The following XPOT variants were observed in gnomAD, a reference collection of about 807,000 sequenced individuals.
XPOT encodes the protein exportin for tRNA, also known as exportin-T.
XPOT carries 34 observed loss-of-function variants against 128.2 expected under a neutral mutation model. That is an observed-to-expected ratio of 0.27 (90% CI 0.20 to 0.35). XPOT has a LOEUF of 0.35. Among genes scored for constraint, XPOT ranks in the 10% least tolerant of loss-of-function variants. The pLI, the probability that XPOT is intolerant of heterozygous loss-of-function variation, is 1.00. For missense variants in XPOT, 838 were observed against 1,125.3 expected (o/e 0.74, Z 3.65); for synonymous variants, 348 against 394.3 (o/e 0.88, Z 1.39).
intron 1 of XPOT, chr12:64,405,145 C>T (rs2039966788): frequency 6.6e-6 from 1 of 152,246 alleles, no homozygotes; most frequent in Non-Finnish European, 1.5e-5. Context: ...TTCCGAAGCC[C>T]GTTAGTCATC....
intron 2 of XPOT, among the ~76,000 whole-genome samples, chr12:64,412,238 G>A (rs1022614261): frequency 6.6e-6 from 1 of 151,912 alleles, no homozygotes; most frequent in African/African-American, 2.4e-5. Context: ...TGTTGGTCAG[G>A]CTGGTCTCAA....
At chr12:64,439,338 G>A in intron 23 of XPOT, 23 bp downstream of exon 23, 3 of 1,602,758 alleles carry the variant, frequency 1.9e-6, no homozygotes, top group Non-Finnish European at 2.6e-6. Flanking sequence ...TCTTACCATT[G>A]TGTAGGCGAG....
At chr12:64,430,002 G>A in intron 16 of XPOT, 47 bp from the exon 17 acceptor site, 1 of 1,482,356 alleles carries the variant, frequency 6.7e-7, no homozygotes, top group Non-Finnish European at 9.0e-7. Context: ...ATTAAATGAA[G>A]GGAACTCAAA....
chr12:64,425,395 G>C lies in XPOT; in HGVS notation c.1510G>C (p.Glu504Gln). 1 of 1,613,640 alleles carries C rather than the reference G, an allele frequency of 6.2e-7. No homozygotes were observed. ...QHTSVTLEFF[E>Q]TVVRYEKFFT... is the part of the protein sequence containing the mutation. ...TACATCTGTGACATTGGAGTTCTTC[G>C]AAACTGTTGTTAGATATGAAAAGTT... The change falls in exon 14 of 25, where the codon GAA (glutamate) becomes CAA (glutamine). Residue 504 changes from glutamate (E) to glutamine (Q), a missense_variant. This residue lies in a region of XPOT where 761 missense variants were observed against 988.3 expected (regional missense o/e 0.77). Transcript: ENST00000332707.
Position 64,433,573 on chromosome 12 carries a change from A to T in XPOT, c.2422A>T (p.Ser808Cys). ...TGCTTTCCTGCAAACAGTCACAGGCAGTGGGATGAGCGAAGTTATAGCAAA... is the reference window on the plus strand; with the variant it reads ...TGCTTTCCTGCAAACAGTCACAGGCTGTGGGATGAGCGAAGTTATAGCAAA... ...YFAFLQTVTGSGMSEVIANQG... is the reference protein window; with the variant it reads ...YFAFLQTVTGCGMSEVIANQG... The change falls in exon 19 of 25, where the codon AGT becomes TGT. Residue 808 changes from serine to cysteine, a missense_variant. By Grantham distance (112) the Ser-to-Cys change is moderately radical (BLOSUM62 -1). Transcript: ENST00000332707. The T allele has an allele frequency of 6.2e-7, 1 of 1,607,600 alleles. No homozygotes were observed. Among genetic ancestry groups the T allele is most frequent in the South Asian group, 1.1e-5 (1 of 90,126 alleles).
chr12:64,435,991 T>C lies in XPOT; in HGVS notation c.2733+317T>C, dbSNP rs1026456071. Among the ~76,000 whole-genome samples, 7 of 152,190 alleles carry C rather than the reference T, an allele frequency of 4.6e-5. No homozygotes were observed. In the South Asian group the frequency reaches 1.0e-3, roughly 23 times the overall value. ...ATTTTTTTGAGACTGAGTTTCACTT[T>C]TGTTGCCCAGGCTGGAGTGCAGTGG... On this transcript the variant is annotated intron_variant, in intron 22 of 24. Coordinates refer to ENST00000332707, the MANE Select transcript of XPOT (RefSeq NM_007235.6).
intron 1 of XPOT, among the ~76,000 whole-genome samples, chr12:64,408,119 GT>G (rs748962289): frequency 1.3e-5 from 2 of 151,300 alleles, no homozygotes; most frequent in Admixed American, 6.6e-5. Flanking sequence ...GCCTTTTTTT[GT>G]TTTTTTTGAG....
At chr12:64,444,972 T>TAAAAA in intron 23 of XPOT, 103 bp from the exon 24 acceptor site, 1 of 608,064 alleles carries the variant, frequency 1.6e-6, no homozygotes, top group Non-Finnish European at 2.5e-6. Context: ...GACCATCTCT[T>TAAAAA]AAAAAAAAAA....
intron 17 of XPOT, among the ~76,000 whole-genome samples, chr12:64,430,582 G>A (rs1471987896): frequency 6.6e-6 from 1 of 152,166 alleles, no homozygotes; most frequent in East Asian, 1.9e-4. Flanking sequence ...TATATATTGG[G>A]ACGGGACATC....
At chr12:64,421,975 G>A (rs1364134303) in intron 9 of XPOT, among the ~76,000 whole-genome samples, 1 of 152,058 alleles carries the variant, frequency 6.6e-6, no homozygotes. Flanking sequence ...ACCACATCCA[G>A]CTGATTTTGT....
rs112395272 is a variant in XPOT, at chr12:64,414,760, G to A, written c.61-147G>A. 993 of 540,534 alleles carry A rather than the reference G, an allele frequency of 1.8e-3. 14 individuals are homozygous for A. The highest frequency in any genetic ancestry group is 0.017 in the African/African-American group (887 of 53,396). The allele number at this position is 540,534 out of a possible 1,614,324, so 33.5% of individuals were successfully genotyped here. ...GAATGACCCCAAGTTGCATATATTC[G>A]GAAGCCTGCATTTAATGTTTTAACT... On this transcript the variant is annotated intron_variant, in intron 2 of 24. Transcript: ENST00000332707.
chr12:64,441,115 G>A (rs2040321225), intron 23 of XPOT, among the ~76,000 whole-genome samples: 1 of 152,148 alleles, frequency 6.6e-6, no homozygotes, highest in Admixed American at 6.5e-5. Flanking sequence ...TTTTGTGTAA[G>A]ATAAGGGTCT....
chr12:64,445,068 C>A lies in XPOT; in HGVS notation c.2806-7C>A. 6.2e-7 allele frequency: 1 copy of A among 1,601,254 alleles called. No homozygotes were observed. Among genetic ancestry groups the A allele is most frequent in the South Asian group, 1.1e-5 (1 of 88,282 alleles). On this transcript the variant is annotated splice_region_variant and splice_polypyrimidine_tract_variant and intron_variant, in intron 23 of 24. Transcript: ENST00000332707. ...TTCTTTTTCTCCCTCTTTTCCCCAC[C>A]CCCCAGGAGTTTTGTCAAGCGCTTC... is the stretch of plus-strand genomic sequence containing the variant.
At chr12:64,416,567 A>G (rs1306832162) in intron 3 of XPOT, 131 bp from the exon 4 acceptor site, 3 of 639,220 alleles carry the variant, frequency 4.7e-6, no homozygotes, top group African/African-American at 1.8e-5. Context: ...AAATGAGACC[A>G]GTAAGTATGA....
chr12:64,428,697 A>G (rs542916807), intron 16 of XPOT, among the ~76,000 whole-genome samples: 1 of 152,370 alleles, frequency 6.6e-6, no homozygotes, highest in East Asian at 1.9e-4. Context: ...AATCCTGGAA[A>G]AAGTAATTTT....
intron 22 of XPOT, among the ~76,000 whole-genome samples, chr12:64,437,082 T>C (rs2040288861): frequency 6.6e-6 from 1 of 152,170 alleles, no homozygotes; most frequent in African/African-American, 2.4e-5. Context: ...GTGGTCTCCA[T>C]TCAGCTGTGC....
intron 4 of XPOT, 116 bp from the exon 5 acceptor site, chr12:64,417,930 C>T: frequency 1.5e-6 from 1 of 674,026 alleles, no homozygotes; most frequent in Non-Finnish European, 2.4e-6. Context: ...TGTTAGGGAA[C>T]TTCAGATAAT....
intron 22 of XPOT, among the ~76,000 whole-genome samples, chr12:64,436,599 G>A (rs1252849821): frequency 1.3e-4 from 20 of 151,348 alleles, no homozygotes; most frequent in Admixed American, 1.3e-3. Context: ...TTTATTTTTT[G>A]TGGTAGGTTC....
intron 6 of XPOT, among the ~76,000 whole-genome samples, chr12:64,419,490 G>A (rs2040118943): frequency 6.6e-6 from 1 of 151,974 alleles, no homozygotes; most frequent in African/African-American, 2.4e-5. Context: ...GCTAATTTTT[G>A]TATTTTTTGT....
Sources: allele counts gnomAD v4.1 joint callset (sites outside exome capture counted in the v4.1 genomes callset), GRCh38; gene constraint gnomAD v4.1.1; regional missense constraint gnomAD v4.1.1; transcripts MANE v1.5; gene names NCBI Gene and HGNC (gene_info 2026-07-23, HGNC 2026-07-21).